The following EPS8 variants were observed in gnomAD, a reference collection of about 807,000 sequenced individuals.
The protein encoded by EPS8 is epidermal growth factor receptor kinase substrate 8.
Under a neutral mutation model 103.8 loss-of-function variants are expected in EPS8, and 42 were observed. That is an observed-to-expected ratio of 0.40 (90% confidence interval 0.32 to 0.52). EPS8 has a LOEUF of 0.52. Among genes scored for constraint, EPS8 ranks in the 20% least tolerant of loss-of-function variants. EPS8 has a pLI of 0.40. For missense variants in EPS8, 969 were observed against 1,005.1 expected, an observed-to-expected ratio of 0.96 and a Z score of 0.49; for synonymous variants, 344 against 344.6, an observed-to-expected ratio of 1.00 and a Z score of 0.02.
At chr12:15,685,481 T>C (rs988644253) in intron 1 of EPS8, among the ~76,000 whole-genome samples, 1 of 152,222 alleles carries the variant, frequency 6.6e-6, no homozygotes, top group African/African-American at 2.4e-5. Flanking sequence ...CTGGTTTTAA[T>C]GAAAAGTGAT....
intron 1 of EPS8, among the ~76,000 whole-genome samples, chr12:15,754,965 T>C (rs1228721807): frequency 1.3e-5 from 2 of 152,230 alleles, no homozygotes; most frequent in Admixed American, 1.3e-4. Flanking sequence ...CTGCTTCCCC[T>C]CTGAAGCCTA....
Position 15,690,186 on chromosome 12 carries a change from T to C in EPS8, c.-21-7214A>G, listed in dbSNP as rs1321872649. On this transcript the variant is annotated intron_variant, in intron 1 of 20. Coordinates refer to ENST00000281172, the MANE Select transcript of EPS8 (RefSeq NM_004447.6). The surrounding 1 kb of genome is among the most constrained non-coding windows in gnomAD (Gnocchi z 4.7). ...GCTCCTTAAGAGGATCAATCTTTTCTAAAGTGTACAATATATCTTTATAAA... is the reference window on the plus strand; with the variant it reads ...GCTCCTTAAGAGGATCAATCTTTTCCAAAGTGTACAATATATCTTTATAAA... Among the ~76,000 whole-genome samples the C allele has an allele frequency of 6.6e-6, 1 of 152,194 alleles. No individual in the cohort carries two copies. The highest frequency in any genetic ancestry group is 6.5e-5 in the Admixed American group (1 of 15,278).
chr12:15,680,277 T>TA (rs1003825862), intron 3 of EPS8, among the ~76,000 whole-genome samples: 4 of 152,154 alleles, frequency 2.6e-5, no homozygotes, highest in Non-Finnish European at 4.4e-5. Context: ...CTAGATAATG[T>TA]AAAAAAAGAA....
In EPS8 at chr12:15,721,325, T is replaced by A. The variant is rs1946592924; in HGVS notation, c.-21-38353A>T. 6.6e-6 allele frequency among the ~76,000 whole-genome samples: 1 copy of A among 152,164 alleles called. No individual in the cohort carries two copies. The highest frequency in any genetic ancestry group is 1.5e-5 in the Non-Finnish European group (1 of 68,010). On this transcript the variant is annotated intron_variant, in intron 1 of 20. Coordinates refer to ENST00000281172, the MANE Select transcript of EPS8 (RefSeq NM_004447.6). The surrounding 1 kb of genome is among the most constrained non-coding windows in gnomAD (Gnocchi z 4.4). Reference sequence around the variant, plus strand: ...TAAACCTAACACACACCAAATAGATTTTTTAATTGACAAATAAAACCAAAT... The same window carrying A: ...TAAACCTAACACACACCAAATAGATATTTTAATTGACAAATAAAACCAAAT...
In EPS8 at chr12:15,728,586, T is replaced by C. The variant is rs1205477529; in HGVS notation, c.-21-45614A>G. Among the ~76,000 whole-genome samples, 2 of 152,204 alleles carry C rather than the reference T, an allele frequency of 1.3e-5. No individual in the cohort carries two copies. The highest frequency in any genetic ancestry group is 3.9e-4 in the East Asian group (2 of 5,192). Reference sequence around the variant, plus strand: ...ATTGCTCCTAATACCACCATATTTATGTGAGGATAGCATATATCTTTTACA... The same window carrying C: ...ATTGCTCCTAATACCACCATATTTACGTGAGGATAGCATATATCTTTTACA... On this transcript the variant is annotated intron_variant, in intron 1 of 20. Coordinates refer to ENST00000281172, the MANE Select transcript of EPS8 (RefSeq NM_004447.6). The surrounding 1 kb of genome is among the most constrained non-coding windows in gnomAD (Gnocchi z 4.5).
At chr12:15,732,672 C>T (rs1301723386) in intron 1 of EPS8, 2 of 550,446 alleles carry the variant, frequency 3.6e-6, no homozygotes, top group African/African-American at 2.1e-5. Flanking sequence ...AATAAATGAC[C>T]TACTGTTTAC....
At chr12:15,629,725 T>C (rs1333083591) in intron 18 of EPS8, among the ~76,000 whole-genome samples, 2 of 152,158 alleles carry the variant, frequency 1.3e-5, no homozygotes, top group Non-Finnish European at 2.9e-5. Flanking sequence ...GGACATACCG[T>C]GGGAGAAAAA....
chr12:15,720,614 G>A (rs554334529), intron 1 of EPS8, among the ~76,000 whole-genome samples: 47 of 152,288 alleles, frequency 3.1e-4, no homozygotes, highest in Admixed American at 1.4e-3. Flanking sequence ...AAATCTGGTC[G>A]TGTTATTTAC....
At position 15,745,643 on chromosome 12, in the gene EPS8, A is replaced by G. The variant is rs1267407937; in HGVS notation, c.-22+43518T>C. Among the ~76,000 whole-genome samples the G allele has an allele frequency of 6.6e-6, 1 of 152,182 alleles. No individual in the cohort carries two copies. The highest frequency in any genetic ancestry group is 1.5e-5 in the Non-Finnish European group (1 of 68,032). ...GAGTGTAGCAATCATTGCTAGCAAA[A>G]TATAGACCTCCCATTGTTCACTTTC... On this transcript the variant is annotated intron_variant, in intron 1 of 20. Coordinates refer to ENST00000281172, the MANE Select transcript of EPS8 (RefSeq NM_004447.6). This position sits in a 1 kb window ranked among gnomAD's most constrained non-coding sequence, Gnocchi z 4.6.
intron 13 of EPS8, 96 bp downstream of exon 13, chr12:15,654,049 A>G: frequency 2.5e-6 from 3 of 1,187,420 alleles, no homozygotes; most frequent in Non-Finnish European, 3.6e-6. Flanking sequence ...TATGACGCTT[A>G]GTCCTTCGTA....
Position 15,785,046 on chromosome 12 carries a change from C to T in EPS8, c.-22+4115G>A, listed in dbSNP as rs1322408621. Among the ~76,000 whole-genome samples, 2 of 152,006 alleles carry T rather than the reference C, an allele frequency of 1.3e-5. No individual in the cohort carries two copies. Among genetic ancestry groups the T allele is most frequent in the African/African-American group, 4.8e-5 (2 of 41,416 alleles). ...TATGATCCTATAAGGATAGCTACAT[C>T]AAATTAAGTATTTGTCAAAACCCAA... On this transcript the variant is annotated intron_variant, in intron 1 of 20. Transcript: ENST00000281172. This position sits in a 1 kb window ranked among gnomAD's most constrained non-coding sequence, Gnocchi z 4.9.
At chr12:15,680,871 A>G (rs974276980) in intron 3 of EPS8, among the ~76,000 whole-genome samples, 3 of 152,168 alleles carry the variant, frequency 2.0e-5, no homozygotes, top group African/African-American at 7.2e-5. Flanking sequence ...AAGAGCTATC[A>G]GGAAAACGTT....
At position 15,654,479 on chromosome 12, in the gene EPS8, C is replaced by CT. The variant is rs1182676969; in HGVS notation, c.1102-187dup. 4.9e-6 allele frequency: 3 copies of CT among 608,322 alleles called. No homozygotes were observed. The Admixed American group carries it at 9.1e-5, about 18-fold the overall frequency. 37.7% of individuals were successfully genotyped at this position (608,322 alleles called of 1,614,324 possible). Reference sequence around the variant, plus strand: ...AATCAACTTGCCCAGCCCAGCAGTGCTTTAAAACCTAAATGAAAGTTAACA... The same window carrying CT: ...AATCAACTTGCCCAGCCCAGCAGTGCTTTTAAAACCTAAATGAAAGTTAACA... On this transcript the variant is annotated intron_variant, in intron 12 of 20. Transcript: ENST00000281172.
intron 8 of EPS8, among the ~76,000 whole-genome samples, chr12:15,664,566 C>T (rs1030949094): frequency 2.0e-5 from 3 of 152,186 alleles, no homozygotes; most frequent in Non-Finnish European, 4.4e-5. Flanking sequence ...AGAGAGATAA[C>T]TTCCCAAGAC....
intron 4 of EPS8, 138 bp downstream of exon 4, chr12:15,670,718 T>TA (rs573817893): frequency 6.4e-4 from 359 of 562,810 alleles, no homozygotes; most frequent in African/African-American, 6.2e-3. Context: ...ATATCTGTTT[T>TA]AAAAAATCTA....
chr12:15,699,055 G>A (rs1043684164), intron 1 of EPS8, among the ~76,000 whole-genome samples: 4 of 152,104 alleles, frequency 2.6e-5, no homozygotes, highest in East Asian at 1.9e-4. Context: ...TCCCTCCACC[G>A]ATGTGACTGC....
intron 3 of EPS8, among the ~76,000 whole-genome samples, chr12:15,677,837 G>A (rs1232318613): frequency 6.6e-6 from 1 of 152,074 alleles, no homozygotes; most frequent in Non-Finnish European, 1.5e-5. Flanking sequence ...GAAAATGCCT[G>A]TGGAATGAAT....
At chr12:15,651,202 T>G (rs1945408419) in intron 13 of EPS8, among the ~76,000 whole-genome samples, 196 bp from the exon 14 acceptor site, 1 of 152,200 alleles carries the variant, frequency 6.6e-6, no homozygotes, top group African/African-American at 2.4e-5. Context: ...ATTTCACACC[T>G]TAATAAAATG....
At chr12:15,641,340 G>A (rs1172414489) in intron 16 of EPS8, among the ~76,000 whole-genome samples, 1 of 145,474 alleles carries the variant, frequency 6.9e-6, no homozygotes, top group Non-Finnish European at 1.5e-5. Context: ...TGACTGCTGA[G>A]TATATCTGTG....
Sources: allele counts gnomAD v4.1 joint callset (sites outside exome capture counted in the v4.1 genomes callset), GRCh38; gene constraint gnomAD v4.1.1; non-coding constraint Gnocchi (gnomAD v3.1); transcripts MANE v1.5; gene names NCBI Gene and HGNC (gene_info 2026-07-23, HGNC 2026-07-21).